GRIN2B: variants seen among roughly 807,000 people sequenced by gnomAD.
GRIN2B encodes glutamate receptor ionotropic, NMDA 2B.
In GRIN2B, 5 loss-of-function variants were observed where a neutral mutation model predicts 114.5. That is an observed-to-expected ratio of 0.04 (90% confidence interval 0.02 to 0.09). The LOEUF (loss-of-function observed/expected upper bound fraction) is 0.09, where lower values mean the gene tolerates loss of function less well. GRIN2B is among the 10% of genes least tolerant of loss of function. The pLI is 1.00. For synonymous variants in GRIN2B, 787 were observed against 745.1 expected (o/e 1.06, Z -0.92); for missense variants, 1,108 against 1,943.5 (o/e 0.57, Z 8.08).
rs1469773439 is a variant in GRIN2B at position 13,549,262 on chromosome 12, A to AAGG, written c.*13518_*13520dup. The AAGG allele has an allele frequency of 6.6e-6, 1 of 152,168 alleles. No individual in the cohort carries two copies. The highest frequency in any genetic ancestry group is 1.5e-5 in the Non-Finnish European group (1 of 68,028). The allele number at this position is 152,168 out of a possible 1,614,324, so 9.4% of individuals were successfully genotyped here. A position where few individuals can be genotyped will look rare whatever the true frequency, so the allele number is the denominator to read the frequency against. ...ACCATTGCAACCTTGTGACAAAATC[A>AAGG]AGGTCTCATAAGTATTCTCAGGAGA... On this transcript the variant is annotated 3_prime_UTR_variant, in exon 14 of 14. Coordinates refer to ENST00000609686, the MANE Select transcript of GRIN2B (RefSeq NM_000834.5).
At chr12:13,892,361 G>A (rs1479127354) in intron 2 of GRIN2B, among the ~76,000 whole-genome samples, 1 of 152,148 alleles carries the variant, frequency 6.6e-6, no homozygotes, top group African/African-American at 2.4e-5. Context: ...TGTCCTTACA[G>A]TTTTCCAGTC....
intron 2 of GRIN2B, among the ~76,000 whole-genome samples, chr12:13,892,554 G>A (rs1052841805): frequency 6.6e-6 from 1 of 152,144 alleles, no homozygotes; most frequent in African/African-American, 2.4e-5. Flanking sequence ...CAGGGCGCAG[G>A]CCAGAATGAA....
chr12:13,756,728 T>A (rs1003490622), intron 3 of GRIN2B, among the ~76,000 whole-genome samples: 16 of 152,194 alleles, frequency 1.1e-4, no homozygotes, highest in Admixed American at 3.9e-4. Flanking sequence ...GGCTCTTGAA[T>A]AGATGCAAAG....
At chr12:13,900,488 A>AG (rs1356149482) in intron 2 of GRIN2B, among the ~76,000 whole-genome samples, 1 of 152,000 alleles carries the variant, frequency 6.6e-6, no homozygotes, top group African/African-American at 2.4e-5. Context: ...AAAAAAAAAA[A>AG]GTTAATAAAA....
intron 3 of GRIN2B, among the ~76,000 whole-genome samples, chr12:13,754,835 G>A (rs371949573): frequency 2.8e-4 from 42 of 151,808 alleles, no homozygotes; most frequent in South Asian, 2.1e-3. Flanking sequence ...AATTTTGAGC[G>A]TCTTCTGATT....
At chr12:13,858,192 A>G (rs996766281) in intron 3 of GRIN2B, among the ~76,000 whole-genome samples, 1 of 152,246 alleles carries the variant, frequency 6.6e-6, no homozygotes, top group African/African-American at 2.4e-5. Flanking sequence ...GATAAAATAT[A>G]TAAGATGACT....
intron 3 of GRIN2B, among the ~76,000 whole-genome samples, chr12:13,849,917 A>G (rs1327269199): frequency 6.6e-6 from 1 of 152,164 alleles, no homozygotes; most frequent in Admixed American, 6.5e-5. Context: ...CCGCCTAGAT[A>G]TCTGTCCCAT....
chr12:13,931,980 A>G (rs1054338352), intron 2 of GRIN2B, among the ~76,000 whole-genome samples: 2 of 152,150 alleles, frequency 1.3e-5, no homozygotes, highest in African/African-American at 4.8e-5. Context: ...AGATTAAAAC[A>G]TAAAAAGACA....
rs1429038032 is a variant in GRIN2B at position 13,555,177 on chromosome 12, T to C, written c.*7606A>G. ...GAGGAAGAGCAGGAACCAATGAGGT[T>C]AGAGGACCAGAGAACTAAGATTAAA... On this transcript the variant is annotated 3_prime_UTR_variant, in exon 14 of 14. Coordinates refer to ENST00000609686, the MANE Select transcript of GRIN2B (RefSeq NM_000834.5). 1 of 152,130 alleles carries C rather than the reference T, an allele frequency of 6.6e-6. No individual in the cohort carries two copies. Among genetic ancestry groups the C allele is most frequent in the Non-Finnish European group, 1.5e-5 (1 of 68,030 alleles). The allele number at this position is 152,130 out of a possible 1,614,324, so 9.4% of individuals were successfully genotyped here.
At chr12:13,777,045 G>A (rs1467925883) in intron 3 of GRIN2B, among the ~76,000 whole-genome samples, 1 of 152,064 alleles carries the variant, frequency 6.6e-6, no homozygotes, top group African/African-American at 2.4e-5. Context: ...CAGAGCCAAG[G>A]GAATCCCAAG....
chr12:13,602,130 C>G (rs1439733500), intron 10 of GRIN2B, among the ~76,000 whole-genome samples: 4 of 152,160 alleles, frequency 2.6e-5, no homozygotes, highest in Non-Finnish European at 5.9e-5. Flanking sequence ...GAACAAAAGG[C>G]AAGTGTCCTC....
In GRIN2B at chr12:13,684,281, T is replaced by A. The variant is rs145818653; in HGVS notation, c.1011-8422A>T. Reference sequence around the variant, plus strand: ...TCCCCCTTCTGACCTCCCAGATCCCTGCTTTGAACACTATGTAATTCTCTT... The same window carrying A: ...TCCCCCTTCTGACCTCCCAGATCCCAGCTTTGAACACTATGTAATTCTCTT... On this transcript the variant is annotated intron_variant, in intron 4 of 13. Transcript: ENST00000609686. Among the ~76,000 whole-genome samples, 19 of 152,306 alleles carry A rather than the reference T, an allele frequency of 1.2e-4. No individual in the cohort carries two copies. The East Asian group carries it at 3.7e-3, about 29-fold the overall frequency.
At chr12:13,658,559 G>A (rs778661836) in intron 5 of GRIN2B, among the ~76,000 whole-genome samples, 6 of 151,870 alleles carry the variant, frequency 4.0e-5, no homozygotes, top group Admixed American at 6.6e-5. Flanking sequence ...TCTTTTAAGC[G>A]GCCAATAATT....
At position 13,564,237 on chromosome 12, in the gene GRIN2B, C is replaced by G. The variant is rs1948602794; in HGVS notation, c.3001G>C (p.Asp1001His). The G allele has an allele frequency of 6.2e-7, 1 of 1,614,006 alleles. No homozygotes were observed. Among genetic ancestry groups the G allele is most frequent in the African/African-American group, 1.3e-5 (1 of 74,904 alleles). ...GGGTTGTCACAGTCGTAGAGCCCAT[C>G]GATGGAGCTGGCACTGCCAATACTA... ...PHSIGSASSI[D>H]GLYDCDNPPF... The change falls in exon 14 of 14, where the codon GAT (aspartate) becomes CAT (histidine). Residue 1001 changes from aspartate to histidine, a missense_variant. By Grantham distance (81) the Asp-to-His change is moderately conservative. Coordinates refer to ENST00000609686, the MANE Select transcript of GRIN2B (RefSeq NM_000834.5). The surrounding 1 kb of genome is among the most constrained non-coding windows in gnomAD (Gnocchi z 4.8).
chr12:13,882,864 C>T (rs1198125749), intron 2 of GRIN2B, among the ~76,000 whole-genome samples: 1 of 152,146 alleles, frequency 6.6e-6, no homozygotes, highest in African/African-American at 2.4e-5. Flanking sequence ...CCACCATAAC[C>T]AAGATATAAA....
chr12:13,646,675 CCTT>C (rs1032054593), intron 5 of GRIN2B, among the ~76,000 whole-genome samples: 13 of 151,910 alleles, frequency 8.6e-5, no homozygotes, highest in African/African-American at 2.7e-4. Context: ...TTCTCCTTCT[CCTT>C]CTTCTCTTAT....
intron 2 of GRIN2B, among the ~76,000 whole-genome samples, chr12:13,937,968 T>C (rs575508320): frequency 6.6e-6 from 1 of 152,178 alleles, no homozygotes; most frequent in South Asian, 2.1e-4. Context: ...TGTCATACCT[T>C]ACGTGTGAAG....
intron 4 of GRIN2B, among the ~76,000 whole-genome samples, chr12:13,717,384 C>T (rs1266650086): frequency 1.3e-5 from 2 of 151,882 alleles, no homozygotes; most frequent in African/African-American, 2.4e-5. Flanking sequence ...AATCCAGCCC[C>T]GCTTGGAATA....
At chr12:13,768,679 TG>T (rs1300527362) in intron 3 of GRIN2B, among the ~76,000 whole-genome samples, 2 of 152,214 alleles carry the variant, frequency 1.3e-5, no homozygotes, top group African/African-American at 4.8e-5. Flanking sequence ...GTTTTTATTT[TG>T]TTGGTTGTTG....
Sources: allele counts gnomAD v4.1 joint callset (sites outside exome capture counted in the v4.1 genomes callset), GRCh38; gene constraint gnomAD v4.1.1; non-coding constraint Gnocchi (gnomAD v3.1); transcripts MANE v1.5; gene names NCBI Gene and HGNC (gene_info 2026-07-23, HGNC 2026-07-21).